DOK6: variants seen among roughly 807,000 people sequenced by gnomAD.
The protein encoded by DOK6 is docking protein 6.
DOK6 carries 22 observed loss-of-function variants against 44.0 expected under a neutral mutation model. The ratio of observed to expected loss-of-function variants is 0.50; its 90% CI spans 0.36 to 0.71. DOK6 has a LOEUF of 0.71. Among genes scored for constraint, DOK6 ranks in the 30% least tolerant of loss-of-function variants. The pLI is 0.00. For synonymous variants in DOK6, 166 were observed against 145.5 expected, an observed-to-expected ratio of 1.14 and a Z score of -1.01; for missense variants, 340 against 416.4, an observed-to-expected ratio of 0.82 and a Z score of 1.60.
intron 7 of DOK6, among the ~76,000 whole-genome samples, chr18:69,767,575 A>G (rs1979757394): frequency 6.6e-6 from 1 of 151,944 alleles, no homozygotes. Flanking sequence ...ATACTCATCC[A>G]CACCCACCCT....
intron 7 of DOK6, among the ~76,000 whole-genome samples, chr18:69,815,931 A>C (rs1981386155): frequency 6.6e-6 from 1 of 152,120 alleles, no homozygotes; most frequent in Non-Finnish European, 1.5e-5. Flanking sequence ...ATGCTTATCC[A>C]CTTGCACTGT....
chr18:69,631,633 A>G (rs1463990662), intron 3 of DOK6, among the ~76,000 whole-genome samples: 2 of 152,202 alleles, frequency 1.3e-5, no homozygotes. Context: ...CAGTATGAAC[A>G]CGTTACTGTA....
At chr18:69,694,493 AT>A (rs1986349818) in intron 4 of DOK6, among the ~76,000 whole-genome samples, 4 of 150,958 alleles carry the variant, frequency 2.6e-5, no homozygotes, top group Admixed American at 2.0e-4. Context: ...TTTAATAAAT[AT>A]TCCACCCTTG....
chr18:69,579,868 C>T (rs1983325369), intron 2 of DOK6, among the ~76,000 whole-genome samples: 1 of 152,122 alleles, frequency 6.6e-6, no homozygotes, highest in African/African-American at 2.4e-5. Flanking sequence ...GTCGATCCGC[C>T]CGCCTCAACC....
intron 7 of DOK6, among the ~76,000 whole-genome samples, chr18:69,795,803 T>C (rs1429625868): frequency 2.6e-5 from 4 of 152,332 alleles, no homozygotes; most frequent in South Asian, 4.1e-4. Context: ...GGAGAAGTTT[T>C]ATCTGCTTTT....
At chr18:69,651,473 C>A (rs1001554474) in intron 3 of DOK6, among the ~76,000 whole-genome samples, 6 of 151,072 alleles carry the variant, frequency 4.0e-5, no homozygotes, top group African/African-American at 1.5e-4. Context: ...CATCATCAGC[C>A]CCCCGCTCCT....
Position 69,643,497 on chromosome 18 carries a change from T to C in DOK6, c.290-34237T>C, listed in dbSNP as rs543916051. 1.7e-4 allele frequency among the ~76,000 whole-genome samples: 26 copies of C among 152,328 alleles called. No homozygotes were observed. In the Middle Eastern group the frequency reaches 0.017, roughly 100 times the overall value. On this transcript the variant is annotated intron_variant, in intron 3 of 7. Transcript: ENST00000382713. ...CTCAAATTTGTCATTTTAAATGTTA[T>C]GTAAATTGACTCAGGTAGGATGTAA...
intron 1 of DOK6, among the ~76,000 whole-genome samples, chr18:69,563,636 C>G (rs896084602): frequency 3.2e-5 from 4 of 126,574 alleles, no homozygotes; most frequent in Non-Finnish European, 6.3e-5. Context: ...GAACATCACA[C>G]ACTGGGGCCT....
At chr18:69,509,440 A>T (rs1221904909) in intron 1 of DOK6, among the ~76,000 whole-genome samples, 5 of 151,984 alleles carry the variant, frequency 3.3e-5, no homozygotes, top group Non-Finnish European at 7.4e-5. Flanking sequence ...GATCGAGACC[A>T]TCCTGGCTAA....
At chr18:69,452,472 T>C (rs1445143832) in intron 1 of DOK6, among the ~76,000 whole-genome samples, 1 of 128,280 alleles carries the variant, frequency 7.8e-6, no homozygotes, top group Non-Finnish European at 1.6e-5. Flanking sequence ...AGCCGAATTC[T>C]ACCAGAGGTA....
At chr18:69,581,312 A>G (rs1406015752) in intron 2 of DOK6, among the ~76,000 whole-genome samples, 1 of 152,202 alleles carries the variant, frequency 6.6e-6, no homozygotes, top group African/African-American at 2.4e-5. Context: ...GCCTTGTGAC[A>G]ATACTTTCTC....
chr18:69,738,827 T>C, intron 5 of DOK6, 138 bp from the exon 6 acceptor site: 1 of 1,048,586 alleles, frequency 9.5e-7, no homozygotes, highest in Non-Finnish European at 1.4e-6. Context: ...TTGGTTTGGT[T>C]ACGGCTGAAT....
chr18:69,741,722 C>T (rs1402531949), intron 6 of DOK6, among the ~76,000 whole-genome samples: 1 of 152,114 alleles, frequency 6.6e-6, no homozygotes. Flanking sequence ...GTGTTGAACT[C>T]CTGGGTTCAA....
rs189334715 is a variant in DOK6, at chr18:69,598,683, G to A, written c.175-701G>A. Reference sequence around the variant, plus strand: ...ACATTTGTTTGTTTCTGTTGACTGCGGGGGAAATTAAAGATGCACAAATTG... The same window carrying A: ...ACATTTGTTTGTTTCTGTTGACTGCAGGGGAAATTAAAGATGCACAAATTG... On this transcript the variant is annotated intron_variant, in intron 2 of 7. Transcript: ENST00000382713. Among the ~76,000 whole-genome samples, 284 of 152,052 alleles carry A rather than the reference G, an allele frequency of 1.9e-3. 1 individual carries two copies. The highest frequency in any genetic ancestry group is 6.4e-3 in the African/African-American group (267 of 41,482).
intron 5 of DOK6, among the ~76,000 whole-genome samples, chr18:69,699,828 A>G (rs904662091): frequency 2.0e-5 from 3 of 152,164 alleles, no homozygotes; most frequent in Non-Finnish European, 4.4e-5. Context: ...GGCTTTAAAA[A>G]GGTAGTATAT....
intron 3 of DOK6, among the ~76,000 whole-genome samples, chr18:69,640,131 G>T (rs537959394): frequency 1.3e-5 from 2 of 152,324 alleles, no homozygotes; most frequent in East Asian, 3.9e-4. Flanking sequence ...AAAGGCTTGC[G>T]ATGTCTCCAC....
chr18:69,608,949 C>CAAGA (rs1984068595), intron 3 of DOK6, among the ~76,000 whole-genome samples: 1 of 124,082 alleles, frequency 8.1e-6, no homozygotes, highest in Non-Finnish European at 1.6e-5. Context: ...GACTCTGTCT[C>CAAGA]AAAAAAAAAA....
intron 7 of DOK6, chr18:69,832,516 A>C (rs899737468): frequency 3.9e-5 from 6 of 151,996 alleles, no homozygotes; most frequent in African/African-American, 1.4e-4. Context: ...TTCTGGTTTT[A>C]GTATCAGAGT....
chr18:69,566,285 C>G (rs1482749752), intron 2 of DOK6, among the ~76,000 whole-genome samples: 2 of 152,052 alleles, frequency 1.3e-5, no homozygotes, highest in Non-Finnish European at 2.9e-5. Context: ...TACAGGCGCC[C>G]GCCACTGCAC....
Sources: allele counts gnomAD v4.1 joint callset (sites outside exome capture counted in the v4.1 genomes callset), GRCh38; gene constraint gnomAD v4.1.1; transcripts MANE v1.5; gene names NCBI Gene and HGNC (gene_info 2026-07-23, HGNC 2026-07-21).